Variants in KLK6 observed in about 807,000 individuals in gnomAD.
KLK6 encodes the protein kallikrein-6.
Under a neutral mutation model 21.7 loss-of-function variants are expected in KLK6, and 16 were observed. The observed-to-expected ratio is 0.74, with a 90% CI of 0.50 to 1.12. The LOEUF is 1.12. Ranked by LOEUF, KLK6 falls within the 50% of genes most tolerant of loss-of-function variation. The probability of loss-of-function intolerance (pLI) is 0.00; values close to 1 mark genes in which losing one functional copy is unlikely to be tolerated. For synonymous variants in KLK6, 116 were observed against 120.1 expected (o/e 0.97, Z 0.22); for missense variants, 276 against 304.6 (o/e 0.91, Z 0.70).
chr19:50,961,944 A>C (rs1380188895), intron 5 of KLK6, 64 bp from the exon 6 acceptor site: 22 of 1,535,508 alleles, frequency 1.4e-5, no homozygotes, highest in East Asian at 9.3e-5. Flanking sequence ...CTCCCCAGTC[A>C]CCCCCCAACC....
intron 4 of KLK6, among the ~76,000 whole-genome samples, chr19:50,964,305 A>G (rs113558373): frequency 2.4e-4 from 36 of 152,322 alleles, no homozygotes; most frequent in African/African-American, 8.2e-4. Flanking sequence ...AATACCTGTT[A>G]GTAGGCAATT....
At chr19:50,960,170 C>T (rs1203232501) in intron 6 of KLK6, among the ~76,000 whole-genome samples, 1 of 144,632 alleles carries the variant, frequency 6.9e-6, no homozygotes, top group East Asian at 2.1e-4. Flanking sequence ...ACGATAAGAC[C>T]CAGGTGGGAG....
At chr19:50,964,147 A>G (rs1384611907) in intron 4 of KLK6, among the ~76,000 whole-genome samples, 1 of 152,132 alleles carries the variant, frequency 6.6e-6, no homozygotes, top group Non-Finnish European at 1.5e-5. Flanking sequence ...CCTTGAACAC[A>G]ATAGTGATCT....
At chr19:50,968,299 C>G (rs559395065) in intron 2 of KLK6, 187 bp from the exon 3 acceptor site, 7 of 647,898 alleles carry the variant, frequency 1.1e-5, no homozygotes, top group Admixed American at 6.8e-5. Flanking sequence ...GAGGATCCCA[C>G]GAAAACAGTG....
rs1389212270 is a variant in KLK6, at chr19:50,963,534, G to A, written c.213C>T (p.Phe71=). 2 of 1,614,066 alleles carry A rather than the reference G, an allele frequency of 1.2e-6. No individual in the cohort carries two copies. The highest frequency in any genetic ancestry group is 1.7e-6 in the Non-Finnish European group (2 of 1,179,998). The change falls in exon 5 of 7, where the codon TTC becomes TTT. Residue 71 remains phenylalanine (F), a synonymous_variant. Coordinates refer to ENST00000310157, the MANE Select transcript of KLK6 (RefSeq NM_002774.4). The part of the protein sequence containing the change: ...AHCKKPNLQV[F]LGKHNLRQRE... Reference sequence around the variant, plus strand: ...TTTGCCGAAGGTTATGCTTCCCCAGGAAGACCTGAAGATTCCTGGGAAGGA... The same window carrying A: ...TTTGCCGAAGGTTATGCTTCCCCAGAAAGACCTGAAGATTCCTGGGAAGGA...
intron 5 of KLK6, chr19:50,962,116 T>G (rs559387108): frequency 4.3e-6 from 2 of 466,346 alleles, no homozygotes; most frequent in South Asian, 6.4e-5. Flanking sequence ...ATTAATAGTC[T>G]CTTCTCCAGG....
At position 50,959,013 on chromosome 19, in the gene KLK6, C is replaced by A. The variant is rs769199720; in HGVS notation, c.*151G>T. The A allele has an allele frequency of 6.2e-6, 5 of 809,592 alleles. No individual in the cohort carries two copies. In the African/African-American group the frequency reaches 8.5e-5, roughly 14 times the overall value. 50.2% of individuals were successfully genotyped at this position (809,592 alleles called of 1,614,324 possible). A position where few individuals can be genotyped will look rare whatever the true frequency, so the allele number is the denominator to read the frequency against. ...TGCAAGGATGGAGCTGGGGTAAAACCAGGGAGAATCAGGACCCTCACGTCG... is the reference window on the plus strand; with the variant it reads ...TGCAAGGATGGAGCTGGGGTAAAACAAGGGAGAATCAGGACCCTCACGTCG... On this transcript the variant is annotated 3_prime_UTR_variant, in exon 7 of 7. Coordinates refer to ENST00000310157, the MANE Select transcript of KLK6 (RefSeq NM_002774.4).
At chr19:50,968,983 G>T (rs1333283696) in intron 1 of KLK6, 2 of 158,242 alleles carry the variant, frequency 1.3e-5, no homozygotes, top group Non-Finnish European at 2.8e-5. Context: ...GAGGGAGGAG[G>T]GGCTTGGGGG....
In KLK6 at chr19:50,963,430, T is replaced by A; in HGVS notation, c.317A>T (p.Asp106Val). 6.2e-7 allele frequency: 1 copy of A among 1,614,198 alleles called. No homozygotes were observed. Among genetic ancestry groups the A allele is most frequent in the Non-Finnish European group, 8.5e-7 (1 of 1,180,030 alleles). Reference protein sequence around the residue: ...PDYDAASHDQDIMLLRLARPA... With the variant: ...PDYDAASHDQVIMLLRLARPA... ...GCGTGCCAGGCGCAACAGCATGATG[T>A]CCTGGTCATGGCTGGCGGCATCATA... is the stretch of plus-strand genomic sequence containing the variant. Residue 106 changes from aspartate (D) to valine (V), a missense_variant, in exon 5 of 7, where the codon GAC becomes GTC. Transcript: ENST00000310157.
rs909299664 is a variant in KLK6, at chr19:50,962,066, CTCTT to C, written c.446-190_446-187del. On this transcript the variant is annotated intron_variant, in intron 5 of 6. Transcript: ENST00000310157. ...ATCGTCCCTGCCTCCTAATTGGTCC[CTCTT>C]TCTATCATTCTTCCCCCCCATTGGC... 5.4e-6 allele frequency: 3 copies of C among 559,988 alleles called. No individual in the cohort carries two copies. The African/African-American group carries it at 5.8e-5, about 11-fold the overall frequency. The allele number at this position is 559,988 out of a possible 1,614,324, so 34.7% of individuals were successfully genotyped here. A position where few individuals can be genotyped will look rare whatever the true frequency, so the allele number is the denominator to read the frequency against.
intron 6 of KLK6, among the ~76,000 whole-genome samples, chr19:50,960,921 A>G (rs2090831694): frequency 6.6e-6 from 1 of 152,002 alleles, no homozygotes; most frequent in Admixed American, 6.6e-5. Flanking sequence ...GCCTGCCACC[A>G]CGCCCAGCTA....
chr19:50,961,654 G>T, intron 6 of KLK6, 90 bp downstream of exon 6: 1 of 1,491,172 alleles, frequency 6.7e-7, no homozygotes, highest in Non-Finnish European at 9.1e-7. Flanking sequence ...CTCTCTTTTG[G>T]CCTGTGTCTC....
At chr19:50,967,919 C>G in intron 3 of KLK6, 146 bp downstream of exon 3, 3 of 701,664 alleles carry the variant, frequency 4.3e-6, no homozygotes, top group Non-Finnish European at 7.6e-6. Context: ...ATTCCCCACC[C>G]TTAGCCTAAT....
At chr19:50,961,352 A>G (rs1263632434) in intron 6 of KLK6, among the ~76,000 whole-genome samples, 1 of 141,858 alleles carries the variant, frequency 7.0e-6, no homozygotes, top group Admixed American at 7.2e-5. Context: ...TTGTATTTTT[A>G]GTAGAGATAG....
chr19:50,965,618 G>A (rs905592573), intron 4 of KLK6, among the ~76,000 whole-genome samples: 17 of 152,164 alleles, frequency 1.1e-4, no homozygotes, highest in African/African-American at 1.2e-4. Flanking sequence ...TTGTGCTCCC[G>A]AGGGCAGGGA....
In KLK6 at chr19:50,959,335, AAGTC is replaced by A. The variant is rs1413555051; in HGVS notation, c.583-23_583-20del. 3 of 1,591,554 alleles carry A rather than the reference AAGTC, an allele frequency of 1.9e-6. No homozygotes were observed. Among genetic ancestry groups the A allele is most frequent in the Non-Finnish European group, 2.6e-6 (3 of 1,167,642 alleles). ...AATCACCCTGCAGGAAAGAGGGAGAAAGTCAGATACAGATAGAAACCCAGAGACT... is the reference window on the plus strand; with the variant it reads ...AATCACCCTGCAGGAAAGAGGGAGAAAGATACAGATAGAAACCCAGAGACT... On this transcript the variant is annotated intron_variant, in intron 6 of 6. Coordinates refer to ENST00000310157, the MANE Select transcript of KLK6 (RefSeq NM_002774.4).
rs1701950 is a variant in KLK6, at chr19:50,961,840, C to G, written c.486G>C (p.Leu162=). The G allele has an allele frequency of 0.099, 158,961 of 1,613,798 alleles. 8,677 individuals carry two copies. Among genetic ancestry groups the G allele is most frequent in the African/African-American group, 0.18 (13,310 of 74,958 alleles). The part of the protein sequence containing the change: ...PDTIQCAYIH[L]VSREECEHAY... ...CATGCTCACACTCCTCACGGGACAC[C>G]AGGTGGATGTATGCACACTGGATGG... Residue 162 remains leucine, a synonymous_variant, in exon 6 of 7, where the codon CTG becomes CTC. Coordinates refer to ENST00000310157, the MANE Select transcript of KLK6 (RefSeq NM_002774.4).
Position 50,968,600 on chromosome 19 carries a change from CGAG to C in KLK6, c.-59-12_-59-10del, listed in dbSNP as rs1360890620. On this transcript the variant is annotated splice_polypyrimidine_tract_variant and intron_variant, in intron 1 of 6. Transcript: ENST00000310157. Reference sequence around the variant, plus strand: ...GTCGGGGGAAGGAACAGCTTTGAGACGAGGAGGCAGAAAGAGTTAGAAATGCGG... The same window carrying C: ...GTCGGGGGAAGGAACAGCTTTGAGACGAGGCAGAAAGAGTTAGAAATGCGG... 1 of 170,942 alleles carries C rather than the reference CGAG, an allele frequency of 5.8e-6. No homozygotes were observed. Among genetic ancestry groups the C allele is most frequent in the African/African-American group, 2.4e-5 (1 of 41,220 alleles). 10.6% of individuals were successfully genotyped at this position (170,942 alleles called of 1,614,324 possible). A position where few individuals can be genotyped will look rare whatever the true frequency, so the allele number is the denominator to read the frequency against.
At position 50,968,264 on chromosome 19, in the gene KLK6, C is replaced by A; in HGVS notation, c.-8-152G>T. ...TTCCCATCTAGCCTCCTGATTTATT[C>A]TTCCTCAGCCCACATCTTCCATCAG... On this transcript the variant is annotated intron_variant, in intron 2 of 6. Coordinates refer to ENST00000310157, the MANE Select transcript of KLK6 (RefSeq NM_002774.4). The A allele has an allele frequency of 4.2e-6, 3 of 722,546 alleles. No homozygotes were observed. In the South Asian group the frequency reaches 4.6e-5, roughly 11 times the overall value. 44.8% of individuals were successfully genotyped at this position (722,546 alleles called of 1,614,324 possible).
Sources: allele counts gnomAD v4.1 joint callset (sites outside exome capture counted in the v4.1 genomes callset), GRCh38; gene constraint gnomAD v4.1.1; transcripts MANE v1.5; gene names NCBI Gene and HGNC (gene_info 2026-07-23, HGNC 2026-07-21).